The following LRRTM4 variants were observed in gnomAD, a reference collection of about 807,000 sequenced individuals.
The protein encoded by LRRTM4 is leucine rich repeat transmembrane neuronal 4, also known as leucine-rich repeat transmembrane neuronal protein 4.
A neutral mutation model predicts 47.6 loss-of-function variants in LRRTM4; 25 were observed. The observed-to-expected ratio is 0.53, with a 90% CI of 0.38 to 0.73. The LOEUF (loss-of-function observed/expected upper bound fraction) is 0.73. LRRTM4 is among the 30% of genes least tolerant of loss of function. LRRTM4 has a pLI of 0.00. For missense variants in LRRTM4, 638 were observed against 713.4 expected, an observed-to-expected ratio of 0.89 and a Z score of 1.20; for synonymous variants, 311 against 269.5, an observed-to-expected ratio of 1.15 and a Z score of -1.51.
intron 3 of LRRTM4, among the ~76,000 whole-genome samples, chr2:76,906,520 C>G (rs2103763777): frequency 6.6e-6 from 1 of 152,156 alleles, no homozygotes; most frequent in South Asian, 2.1e-4. Context: ...TGTAAATGGA[C>G]TAAATGCTCC....
intron 3 of LRRTM4, among the ~76,000 whole-genome samples, chr2:76,899,338 CACACACACACACACATATAT>C (rs1188354782): frequency 6.8e-6 from 1 of 148,082 alleles, no homozygotes; most frequent in Admixed American, 6.7e-5. Flanking sequence ...CACACACACA[CACACACACACACACATATAT>C]ATATATAAAC....
At chr2:77,442,743 T>C (rs1675894178) in intron 3 of LRRTM4, among the ~76,000 whole-genome samples, 1 of 152,200 alleles carries the variant, frequency 6.6e-6, no homozygotes, top group Non-Finnish European at 1.5e-5. Context: ...CTACTTTTCT[T>C]GCTGATAGCA....
chr2:77,408,265 G>A (rs1674289723), intron 3 of LRRTM4, among the ~76,000 whole-genome samples: 1 of 152,030 alleles, frequency 6.6e-6, no homozygotes, highest in Non-Finnish European at 1.5e-5. Flanking sequence ...CTGCCATGGT[G>A]CTCCCAACTC....
intron 3 of LRRTM4, among the ~76,000 whole-genome samples, chr2:76,789,822 A>G (rs1243400474): frequency 6.6e-6 from 1 of 152,082 alleles, no homozygotes; most frequent in East Asian, 1.9e-4. Flanking sequence ...TATTTTTTCC[A>G]TATTTCCTGG....
chr2:77,206,770 C>A (rs1348502860), intron 3 of LRRTM4, among the ~76,000 whole-genome samples: 1 of 152,120 alleles, frequency 6.6e-6, no homozygotes, highest in African/African-American at 2.4e-5. Flanking sequence ...AGGTGTGAGC[C>A]ACTGTGCCCA....
intron 3 of LRRTM4, among the ~76,000 whole-genome samples, chr2:77,036,568 A>T (rs1044812416): frequency 6.6e-6 from 1 of 151,688 alleles, no homozygotes; most frequent in Non-Finnish European, 1.5e-5. Context: ...GACATTCTCT[A>T]AATGTTTCAG....
At chr2:77,510,190 CAA>C (rs750526004) in intron 3 of LRRTM4, among the ~76,000 whole-genome samples, 8 of 151,964 alleles carry the variant, frequency 5.3e-5, no homozygotes, top group Non-Finnish European at 7.4e-5. Context: ...ATGAAACAAA[CAA>C]TATTTTTAAG....
intron 3 of LRRTM4, among the ~76,000 whole-genome samples, chr2:77,460,924 C>T (rs375320980): frequency 9.2e-5 from 14 of 151,996 alleles, no homozygotes; most frequent in South Asian, 4.1e-4. Context: ...CCAAGCCTGA[C>T]ATTTTTTAAA....
At chr2:77,275,463 A>C (rs1324362460) in intron 3 of LRRTM4, among the ~76,000 whole-genome samples, 1 of 152,164 alleles carries the variant, frequency 6.6e-6, no homozygotes, top group African/African-American at 2.4e-5. Context: ...ATAAGTTTAA[A>C]ACATAATTGA....
At chr2:77,160,372 T>A (rs1672678748) in intron 3 of LRRTM4, among the ~76,000 whole-genome samples, 2 of 152,282 alleles carry the variant, frequency 1.3e-5, no homozygotes, top group South Asian at 4.1e-4. Context: ...TAGTGAGCCA[T>A]AAAGGTCCTT....
chr2:77,377,895 CT>C (rs1329570046), intron 3 of LRRTM4, among the ~76,000 whole-genome samples: 1 of 151,936 alleles, frequency 6.6e-6, no homozygotes. Context: ...TCTTTTCACA[CT>C]GAATTTCTTA....
At chr2:77,433,196 A>C (rs1230055673) in intron 3 of LRRTM4, among the ~76,000 whole-genome samples, 1 of 152,216 alleles carries the variant, frequency 6.6e-6, no homozygotes, top group Non-Finnish European at 1.5e-5. Context: ...TTCGTACTGT[A>C]CCAACAGATA....
intron 3 of LRRTM4, among the ~76,000 whole-genome samples, chr2:77,287,445 T>C (rs148017223): frequency 5.7e-4 from 86 of 151,754 alleles, no homozygotes; most frequent in African/African-American, 2.0e-3. Context: ...CAAAATCTTA[T>C]TTAAACACAA....
intron 3 of LRRTM4, among the ~76,000 whole-genome samples, chr2:77,354,533 T>C (rs1438472869): frequency 6.6e-6 from 1 of 152,038 alleles, no homozygotes; most frequent in Non-Finnish European, 1.5e-5. Context: ...GAAGCAAACC[T>C]TGAAACCAGT....
chr2:76,818,596 C>T (rs1471605316), intron 3 of LRRTM4, among the ~76,000 whole-genome samples: 1 of 151,698 alleles, frequency 6.6e-6, no homozygotes, highest in Non-Finnish European at 1.5e-5. Flanking sequence ...CAAATTCTCA[C>T]TCTATGTCTA....
chr2:76,787,870 T>G (rs112526322), intron 3 of LRRTM4, among the ~76,000 whole-genome samples: 2,059 of 152,292 alleles, frequency 0.014, 50 homozygotes, highest in African/African-American at 0.046. Context: ...TGTGCTCCTT[T>G]GACTTCTCTG....
At chr2:76,837,508 T>A (rs1319087386) in intron 3 of LRRTM4, among the ~76,000 whole-genome samples, 1 of 152,152 alleles carries the variant, frequency 6.6e-6, no homozygotes, top group African/African-American at 2.4e-5. Flanking sequence ...CTTTCTCTTG[T>A]GGGCATTTAG....
intron 3 of LRRTM4, among the ~76,000 whole-genome samples, chr2:77,383,252 G>A (rs540725586): frequency 6.6e-6 from 1 of 151,996 alleles, no homozygotes; most frequent in Non-Finnish European, 1.5e-5. Flanking sequence ...TGGGTACCAT[G>A]TTAACTAAAA....
At position 76,960,591 on chromosome 2, in the gene LRRTM4, ATG is replaced by A. The variant is rs1485043573; in HGVS notation, c.1552-211677_1552-211676del. On this transcript the variant is annotated intron_variant, in intron 3 of 3. Coordinates refer to ENST00000409884, the MANE Select transcript of LRRTM4 (RefSeq NM_001134745.3). Reference sequence around the variant, plus strand: ...AATACTCAATTTAGCAAACACATGCATGTGTGTGCACACACACATATTATTTT... The same window carrying A: ...AATACTCAATTTAGCAAACACATGCATGTGTGCACACACACATATTATTTT... Among the ~76,000 whole-genome samples the A allele has an allele frequency of 1.5e-4, 22 of 151,166 alleles. No homozygotes were observed. In the East Asian group the frequency reaches 3.0e-3, roughly 21 times the overall value.
Sources: gnomAD v4.1 joint callset for allele counts (sites outside exome capture counted in the v4.1 genomes callset) on GRCh38, gnomAD v4.1.1 for gene constraint, MANE v1.5 for transcripts, NCBI Gene and HGNC (gene_info 2026-07-23, HGNC 2026-07-21) for gene names.